The following YPEL2 variants were observed in gnomAD, a reference collection of about 807,000 sequenced individuals.
The protein encoded by YPEL2 is yippee like 2.
YPEL2 carries 2 observed loss-of-function variants against 19.1 expected under a neutral mutation model. That is an observed-to-expected ratio of 0.10 (90% confidence interval 0.04 to 0.33). YPEL2 has a LOEUF of 0.33. Among genes scored for constraint, YPEL2 ranks in the 10% least tolerant of loss-of-function variants. The pLI is 1.00. For missense variants in YPEL2, 66 were observed against 140.7 expected (o/e 0.47, Z 2.68); for synonymous variants, 52 against 50.0 (o/e 1.04, Z -0.17).
At chr17:59,382,735 G>GT (rs2047956085) in intron 2 of YPEL2, among the ~76,000 whole-genome samples, 1 of 152,204 alleles carries the variant, frequency 6.6e-6, no homozygotes, top group East Asian at 1.9e-4. Flanking sequence ...TTCTGATGCA[G>GT]TAATTCAAAA....
intron 2 of YPEL2, among the ~76,000 whole-genome samples, chr17:59,383,930 G>T (rs933935232): frequency 6.6e-6 from 1 of 151,816 alleles, no homozygotes; most frequent in Admixed American, 6.6e-5. Context: ...AGACATTTAG[G>T]TTGTTTCCAG....
At chr17:59,380,624 G>A (rs184434841) in intron 2 of YPEL2, among the ~76,000 whole-genome samples, 131 of 152,272 alleles carry the variant, frequency 8.6e-4, no homozygotes, top group African/African-American at 3.1e-3. Flanking sequence ...TATTATGCCT[G>A]TTTTACAGAC....
At chr17:59,348,962 G>T (rs192006313) in intron 1 of YPEL2, among the ~76,000 whole-genome samples, 1 of 152,078 alleles carries the variant, frequency 6.6e-6, no homozygotes, top group Non-Finnish European at 1.5e-5. Flanking sequence ...CGAGGTGGGC[G>T]GATCATGAGG....
rs1304468765 is a variant in YPEL2, at chr17:59,395,322, A to T, written c.271-1779A>T. Among the ~76,000 whole-genome samples the T allele has an allele frequency of 2.0e-5, 3 of 152,214 alleles. No individual in the cohort carries two copies. In the East Asian group the frequency reaches 5.8e-4, roughly 29 times the overall value. On this transcript the variant is annotated intron_variant, in intron 4 of 4. Coordinates refer to ENST00000312655, the MANE Select transcript of YPEL2 (RefSeq NM_001005404.4). ...ACACAAAGCCCCTGAGCTCTAGAAC[A>T]GAAGACACAGTTGATACAACGGTGA... is the stretch of plus-strand genomic sequence containing the variant.
rs556952752 is a variant in YPEL2 at position 59,340,240 on chromosome 17, C to T, written c.-196+8416C>T. On this transcript the variant is annotated intron_variant, in intron 1 of 4. Transcript: ENST00000312655. The stretch of plus-strand genomic sequence containing the variant: ...CGTCCTGCCCCAGCCTCCAGAGTAG[C>T]TGGGATTACAGGCACCTGCCACTAC... Among the ~76,000 whole-genome samples, 117 of 151,914 alleles carry T rather than the reference C, an allele frequency of 7.7e-4. 1 individual carries two copies. Among genetic ancestry groups the T allele is most frequent in the African/African-American group, 2.8e-3 (116 of 41,432 alleles).
At chr17:59,335,192 A>G (rs1219728405) in intron 1 of YPEL2, among the ~76,000 whole-genome samples, 1 of 152,252 alleles carries the variant, frequency 6.6e-6, no homozygotes, top group Non-Finnish European at 1.5e-5. Context: ...TGTCCTTAAC[A>G]AAAGGTGATA....
At chr17:59,388,516 C>T in intron 3 of YPEL2, 146 bp downstream of exon 3, 1 of 831,740 alleles carries the variant, frequency 1.2e-6, no homozygotes, top group Admixed American at 1.9e-5. Context: ...AATTGGTAGT[C>T]AGTTACCTTT....
At chr17:59,379,450 G>A (rs891500149) in intron 2 of YPEL2, among the ~76,000 whole-genome samples, 1 of 152,152 alleles carries the variant, frequency 6.6e-6, no homozygotes, top group Non-Finnish European at 1.5e-5. Flanking sequence ...GACACTCCAA[G>A]GGCAAAGGTT....
At chr17:59,393,904 T>C (rs1407095708) in intron 4 of YPEL2, among the ~76,000 whole-genome samples, 2 of 152,160 alleles carry the variant, frequency 1.3e-5, no homozygotes, top group Non-Finnish European at 2.9e-5. Context: ...AAGTCTCCCA[T>C]GTCTACTTCT....
chr17:59,378,265 A>G (rs1456191555), intron 2 of YPEL2, among the ~76,000 whole-genome samples: 2 of 151,812 alleles, frequency 1.3e-5, no homozygotes, highest in African/African-American at 4.9e-5. Flanking sequence ...AAAGGACTCT[A>G]AAAGGGCCCA....
intron 1 of YPEL2, among the ~76,000 whole-genome samples, chr17:59,332,810 C>T (rs1005187281): frequency 1.3e-5 from 2 of 152,220 alleles, no homozygotes; most frequent in Non-Finnish European, 2.9e-5. Flanking sequence ...GAGAACTGCT[C>T]CGAAGCTTTG....
At chr17:59,375,570 G>T (rs1336475656) in intron 2 of YPEL2, among the ~76,000 whole-genome samples, 2 of 152,168 alleles carry the variant, frequency 1.3e-5, no homozygotes, top group African/African-American at 2.4e-5. Flanking sequence ...AGCATTGCAG[G>T]TCTACAAATT....
intron 1 of YPEL2, among the ~76,000 whole-genome samples, chr17:59,334,575 C>CACACAT (rs753148956): frequency 1.4e-5 from 1 of 69,380 alleles, no homozygotes; most frequent in East Asian, 4.4e-4. Flanking sequence ...GGCACAAACA[C>CACACAT]ACACACACAC....
chr17:59,348,103 C>T (rs1013212764), intron 1 of YPEL2, among the ~76,000 whole-genome samples: 1 of 152,194 alleles, frequency 6.6e-6, no homozygotes, highest in Admixed American at 6.5e-5. Context: ...AGCTGAGGGT[C>T]AGAGTGGTTT....
At chr17:59,348,213 C>T (rs1423753583) in intron 1 of YPEL2, among the ~76,000 whole-genome samples, 1 of 152,222 alleles carries the variant, frequency 6.6e-6, no homozygotes, top group Non-Finnish European at 1.5e-5. Flanking sequence ...CTCAGACACC[C>T]CATGGAAACA....
intron 1 of YPEL2, among the ~76,000 whole-genome samples, chr17:59,335,503 G>C (rs1177909296): frequency 6.6e-6 from 1 of 151,988 alleles, no homozygotes; most frequent in Non-Finnish European, 1.5e-5. Flanking sequence ...ACTTAGGTTT[G>C]TCATAGGGCT....
chr17:59,384,118 G>T (rs897551373), intron 2 of YPEL2, among the ~76,000 whole-genome samples: 1 of 152,148 alleles, frequency 6.6e-6, no homozygotes, highest in Non-Finnish European at 1.5e-5. Context: ...ACTTGGTTTT[G>T]TCAGTTAAAG....
intron 2 of YPEL2, among the ~76,000 whole-genome samples, chr17:59,379,734 A>C (rs2047939130): frequency 6.6e-6 from 1 of 152,176 alleles, no homozygotes; most frequent in South Asian, 2.1e-4. Context: ...AAAGAGTGTG[A>C]ATATATCTCA....
intron 1 of YPEL2, among the ~76,000 whole-genome samples, chr17:59,350,006 C>T (rs1035324154): frequency 6.6e-6 from 1 of 152,118 alleles, no homozygotes; most frequent in African/African-American, 2.4e-5. Flanking sequence ...TACTTACCTC[C>T]TCTCATTTCT....
Sources: gnomAD v4.1 joint callset for allele counts (sites outside exome capture counted in the v4.1 genomes callset) on GRCh38, gnomAD v4.1.1 for gene constraint, MANE v1.5 for transcripts, NCBI Gene and HGNC (gene_info 2026-07-23, HGNC 2026-07-21) for gene names.